Variants in ZNF723 observed in about 807,000 individuals in gnomAD.
ZNF723 encodes the protein zinc finger protein 723, pseudogene.
Under a neutral mutation model 9.4 loss-of-function variants are expected in ZNF723, and 5 were observed. The observed-to-expected ratio is 0.53, with a 90% CI of 0.28 to 1.12. ZNF723 has a LOEUF of 1.12. ZNF723 is among the 50% of genes most tolerant of loss of function. The pLI, the probability that ZNF723 is intolerant of heterozygous loss-of-function variation, is 0.10. For synonymous variants in ZNF723, 158 were observed against 168.8 expected, an observed-to-expected ratio of 0.94 and a Z score of 0.49; for missense variants, 450 against 501.5, an observed-to-expected ratio of 0.90 and a Z score of 0.98.
chr19:22,821,321 G>A, the ZNF723 span, among the ~76,000 whole-genome samples: 2 of 152,102 alleles, frequency 1.3e-5, no homozygotes, highest in Non-Finnish European at 2.9e-5. Context: ...CATGCCTGGT[G>A]CAAGCATCTA....
chr19:22,827,428 T>A (rs1266004463), upstream of ZNF723, among the ~76,000 whole-genome samples: 1 of 128,084 alleles, frequency 7.8e-6, no homozygotes, highest in Non-Finnish European at 1.6e-5. Context: ...TTCAACTATT[T>A]TTTTTTTTTG....
intron 3 of ZNF723, among the ~76,000 whole-genome samples, chr19:22,855,032 A>G (rs910322211): frequency 3.3e-5 from 5 of 151,898 alleles, no homozygotes; most frequent in African/African-American, 1.2e-4. Flanking sequence ...GGGCAACAAG[A>G]TTGAAACTCC....
chr19:22,847,083 T>G (rs1386386303), intron 1 of ZNF723, among the ~76,000 whole-genome samples: 1 of 151,292 alleles, frequency 6.6e-6, no homozygotes, highest in Non-Finnish European at 1.5e-5. Context: ...TTTTATTTTA[T>G]TATTATTTTT....
chr19:22,852,907 A>T (rs1470648900), intron 3 of ZNF723, among the ~76,000 whole-genome samples: 1 of 151,984 alleles, frequency 6.6e-6, no homozygotes, highest in African/African-American at 2.4e-5. Flanking sequence ...CTGACTTTTT[A>T]TGACTGGCTC....
intron 1 of ZNF723, among the ~76,000 whole-genome samples, chr19:22,843,870 C>T (rs1396249641): frequency 6.6e-6 from 1 of 152,024 alleles, no homozygotes; most frequent in Non-Finnish European, 1.5e-5. Flanking sequence ...AGGGCAGTGG[C>T]TAAAAAAAAT....
chr19:22,848,166 C>T (rs1029227806), intron 1 of ZNF723, 95 bp from the exon 2 acceptor site: 13 of 515,134 alleles, frequency 2.5e-5, no homozygotes, highest in Non-Finnish European at 3.8e-5. Context: ...AACCTGTTCT[C>T]TTTACTCTCT....
intron 1 of ZNF723, among the ~76,000 whole-genome samples, chr19:22,833,759 C>T (rs1008339723): frequency 6.6e-6 from 1 of 151,290 alleles, no homozygotes; most frequent in Admixed American, 6.6e-5. Flanking sequence ...TAGGCACGTG[C>T]CACCACGCCT....
At position 22,846,813 on chromosome 19, in the gene ZNF723, C is replaced by CTTTTTT. The variant is rs760924027; in HGVS notation, c.4-1425_4-1420dup. Among the ~76,000 whole-genome samples the CTTTTTT allele has an allele frequency of 1.5e-3, 104 of 69,136 alleles. 4 individuals carry two copies. The highest frequency in any genetic ancestry group is 2.1e-3 in the Non-Finnish European group (77 of 36,866). 45.4% of individuals were successfully genotyped at this position (69,136 alleles called of 152,430 possible). On this transcript the variant is annotated intron_variant, in intron 1 of 3. Transcript: ENST00000600766. ...ATGGTTGCATTCAGCCTATAATTTC[C>CTTTTTT]TTTTTTTTTTTTTTTTTTTTTTTTT...
At chr19:22,853,066 G>T (rs1040582139) in intron 3 of ZNF723, among the ~76,000 whole-genome samples, 5 of 151,476 alleles carry the variant, frequency 3.3e-5, no homozygotes, top group Admixed American at 6.6e-5. Context: ...ATTGCTTTTA[G>T]TTATTGGCTT....
At position 22,833,788 on chromosome 19, in the gene ZNF723, C is replaced by T. The variant is rs549412592; in HGVS notation, c.3+1406C>T. On this transcript the variant is annotated intron_variant, in intron 1 of 3. Transcript: ENST00000600766. ...CACGCCTGGCTATTTTTTGTAGAGACGGGGTTTTGTAGAGACCATGTTGGG... is the reference window on the plus strand; with the variant it reads ...CACGCCTGGCTATTTTTTGTAGAGATGGGGTTTTGTAGAGACCATGTTGGG... 4.7e-5 allele frequency among the ~76,000 whole-genome samples: 7 copies of T among 150,432 alleles called. No individual in the cohort carries two copies. In the South Asian group the frequency reaches 1.1e-3, roughly 23 times the overall value.
chr19:22,818,097 T>A, the ZNF723 span, among the ~76,000 whole-genome samples: 1 of 152,182 alleles, frequency 6.6e-6, no homozygotes, highest in Admixed American at 6.5e-5. Context: ...AACTCTTCTA[T>A]GTAAACCCAG....
In ZNF723 at chr19:22,845,606, T is replaced by C. The variant is rs1419700650; in HGVS notation, c.4-2655T>C. On this transcript the variant is annotated intron_variant, in intron 1 of 3. Transcript: ENST00000600766. ...TTATTACTGTAGCAGAGATTGTTGG[T>C]GTCTGTAGCAGGGGAGGGCACCTAA... 5.9e-5 allele frequency among the ~76,000 whole-genome samples: 9 copies of C among 152,114 alleles called. No individual in the cohort carries two copies. In the East Asian group the frequency reaches 1.5e-3, roughly 26 times the overall value.
At chr19:22,835,048 GA>G (rs1967147866) in intron 1 of ZNF723, among the ~76,000 whole-genome samples, 1 of 129,594 alleles carries the variant, frequency 7.7e-6, no homozygotes, top group African/African-American at 2.9e-5. Flanking sequence ...CTGTGTGTGT[GA>G]TTTTTTTTGT....
chr19:22,821,351 G>A, the ZNF723 span, among the ~76,000 whole-genome samples: 4 of 152,092 alleles, frequency 2.6e-5, no homozygotes, highest in African/African-American at 4.8e-5. Flanking sequence ...ACTCTCCTGC[G>A]TAGACCCTGT....
At chr19:22,850,397 G>T (rs1411260419) in intron 3 of ZNF723, among the ~76,000 whole-genome samples, 1 of 149,906 alleles carries the variant, frequency 6.7e-6, no homozygotes, top group Admixed American at 6.7e-5. Flanking sequence ...AGTAGAGCCG[G>T]GGTTTCACCA....
At chr19:22,841,779 A>C (rs1181090280) in intron 1 of ZNF723, among the ~76,000 whole-genome samples, 1 of 152,134 alleles carries the variant, frequency 6.6e-6, no homozygotes, top group African/African-American at 2.4e-5. Flanking sequence ...AGACATGAGA[A>C]TCTCCACTCT....
chr19:22,832,280 T>C (rs897735819), upstream of ZNF723: 2 of 1,197,404 alleles, frequency 1.7e-6, no homozygotes, highest in Admixed American at 2.0e-5. Context: ...GCTTCCGGGA[T>C]TTGGCGCGGC....
At chr19:22,827,238 T>G in the ZNF723 span, among the ~76,000 whole-genome samples, 2 of 151,652 alleles carry the variant, frequency 1.3e-5, no homozygotes, top group Non-Finnish European at 2.9e-5. Context: ...GAACTACTTG[T>G]GTAATTGCTA....
the ZNF723 span, among the ~76,000 whole-genome samples, chr19:22,821,892 T>C: frequency 6.6e-6 from 1 of 152,190 alleles, no homozygotes; most frequent in Non-Finnish European, 1.5e-5. Context: ...GTGGATCACC[T>C]GAGGTCAGGA....
Sources: gnomAD v4.1 joint callset for allele counts (sites outside exome capture counted in the v4.1 genomes callset) on GRCh38, gnomAD v4.1.1 for gene constraint, MANE v1.5 for transcripts, NCBI Gene and HGNC (gene_info 2026-07-23, HGNC 2026-07-21) for gene names.